The following STMND1 variants were observed in gnomAD, a reference collection of about 807,000 sequenced individuals.
The protein encoded by STMND1 is stathmin domain-containing protein 1.
A neutral mutation model predicts 23.0 loss-of-function variants in STMND1; 17 were observed. The observed-to-expected ratio is 0.74, with a 90% confidence interval of 0.51 to 1.11. The LOEUF is 1.11. Ranked by LOEUF, STMND1 falls within the 50% of genes least tolerant of loss-of-function variation. The pLI is 0.00. For missense variants in STMND1, 305 were observed against 329.1 expected (o/e 0.93, Z 0.57); for synonymous variants, 114 against 119.9 (o/e 0.95, Z 0.32).
intron 1 of STMND1, among the ~76,000 whole-genome samples, chr6:17,108,828 C>G (rs1166993256): frequency 6.6e-6 from 1 of 151,714 alleles, no homozygotes; most frequent in Non-Finnish European, 1.5e-5. Flanking sequence ...TCCTGAGTAG[C>G]TGGGATTACA....
chr6:17,129,737 G>A (rs532225292), intron 4 of STMND1, among the ~76,000 whole-genome samples: 32 of 151,934 alleles, frequency 2.1e-4, no homozygotes, highest in African/African-American at 6.0e-4. Context: ...CCAGCTACTC[G>A]GGAGGCTGAG....
At position 17,113,102 on chromosome 6, in the gene STMND1, C is replaced by T. The variant is rs549436085; in HGVS notation, c.82-1860C>T. 3.3e-5 allele frequency among the ~76,000 whole-genome samples: 5 copies of T among 152,268 alleles called. No homozygotes were observed. The East Asian group carries it at 9.6e-4, about 29-fold the overall frequency. ...GGTTATGTGAGCAAACACATCTGGG[C>T]AATGATATACTAAAATGTTAGTAGT... On this transcript the variant is annotated intron_variant, in intron 1 of 4. Coordinates refer to ENST00000536551, the MANE Select transcript of STMND1 (RefSeq NM_001190766.2).
chr6:17,125,153 CAAAAA>C (rs5874593), intron 3 of STMND1, among the ~76,000 whole-genome samples: 19 of 129,250 alleles, frequency 1.5e-4, no homozygotes, highest in Non-Finnish European at 2.4e-4. Flanking sequence ...GCCATTTCTA[CAAAAA>C]AAAAAAAAAA....
At chr6:17,108,895 C>A (rs939036231) in intron 1 of STMND1, among the ~76,000 whole-genome samples, 3 of 152,074 alleles carry the variant, frequency 2.0e-5, no homozygotes, top group Non-Finnish European at 4.4e-5. Flanking sequence ...TGGGGTTTTG[C>A]CATGTTGGCC....
At chr6:17,116,237 G>A (rs1439400004) in intron 2 of STMND1, among the ~76,000 whole-genome samples, 2 of 152,154 alleles carry the variant, frequency 1.3e-5, no homozygotes, top group Non-Finnish European at 2.9e-5. Flanking sequence ...AGGGTGTTGA[G>A]AGAGAACAGC....
At chr6:17,102,860 G>C (rs550641847) in intron 1 of STMND1, among the ~76,000 whole-genome samples, 1 of 152,330 alleles carries the variant, frequency 6.6e-6, no homozygotes, top group South Asian at 2.1e-4. Flanking sequence ...ATGAGGCCCA[G>C]AGAGATAGGC....
chr6:17,121,577 T>A (rs1761233749), intron 3 of STMND1, among the ~76,000 whole-genome samples: 1 of 152,196 alleles, frequency 6.6e-6, no homozygotes, highest in Non-Finnish European at 1.5e-5. Flanking sequence ...AACATCATAC[T>A]GTGCCCTATA....
chr6:17,121,239 T>C (rs1761229973), intron 3 of STMND1, among the ~76,000 whole-genome samples: 2 of 152,200 alleles, frequency 1.3e-5, no homozygotes, highest in South Asian at 4.1e-4. Flanking sequence ...TTACCCAGTC[T>C]CAGGTATTTC....
intron 1 of STMND1, among the ~76,000 whole-genome samples, chr6:17,112,219 T>C (rs1233759227): frequency 6.6e-6 from 1 of 152,216 alleles, no homozygotes; most frequent in African/African-American, 2.4e-5. Context: ...TCAATATGAA[T>C]GGCCTTTGTG....
chr6:17,113,217 A>G (rs1379978607), intron 1 of STMND1, among the ~76,000 whole-genome samples: 2 of 152,228 alleles, frequency 1.3e-5, no homozygotes, highest in Non-Finnish European at 2.9e-5. Context: ...AGTAGGATAG[A>G]CAGATGGATA....
chr6:17,126,070 ATTTTTTTTT>A (rs1189845838), intron 3 of STMND1, among the ~76,000 whole-genome samples: 53 of 20,502 alleles, frequency 2.6e-3, no homozygotes, highest in East Asian at 0.011. Context: ...ATATATATAT[ATTTTTTTTT>A]TTTTTTTTTT....
At chr6:17,124,573 A>G (rs1327486972) in intron 3 of STMND1, among the ~76,000 whole-genome samples, 1 of 152,254 alleles carries the variant, frequency 6.6e-6, no homozygotes, top group Non-Finnish European at 1.5e-5. Context: ...TGTGTCCACC[A>G]CAGAGGCCCC....
intron 3 of STMND1, among the ~76,000 whole-genome samples, chr6:17,124,989 AC>A (rs1246208412): frequency 6.7e-6 from 1 of 149,966 alleles, no homozygotes; most frequent in Non-Finnish European, 1.5e-5. Context: ...AAACAGCGAG[AC>A]CCTGTCAAAC....
chr6:17,130,676 A>G lies in STMND1; in HGVS notation c.626A>G (p.Asp209Gly), dbSNP rs1408294171. The G allele has an allele frequency of 6.5e-7, 1 of 1,536,012 alleles. No homozygotes were observed. Among genetic ancestry groups the G allele is most frequent in the African/African-American group, 1.4e-5 (1 of 73,138 alleles). Residue 209 changes from aspartate (D) to glycine (G), a missense_variant, in exon 5 of 5, where the codon GAT becomes GGT. Physicochemically the swap from Asp to Gly is moderately conservative, Grantham distance 94. Coordinates refer to ENST00000536551, the MANE Select transcript of STMND1 (RefSeq NM_001190766.2). ...SANHSDSAEL[D>G]GAEVAFAKGL... ...AATCACTCAGATTCAGCTGAATTAGATGGGGCCGAGGTTGCATTTGCCAAA... is the reference window on the plus strand; with the variant it reads ...AATCACTCAGATTCAGCTGAATTAGGTGGGGCCGAGGTTGCATTTGCCAAA...
chr6:17,103,278 G>A (rs1242154710), intron 1 of STMND1, among the ~76,000 whole-genome samples: 1 of 152,184 alleles, frequency 6.6e-6, no homozygotes, highest in Non-Finnish European at 1.5e-5. Flanking sequence ...CCACCTTTCC[G>A]AAGGGTCATT....
chr6:17,111,940 A>G (rs915585824), intron 1 of STMND1, among the ~76,000 whole-genome samples: 3 of 152,186 alleles, frequency 2.0e-5, no homozygotes, highest in Non-Finnish European at 2.9e-5. Context: ...CCTTAATCCC[A>G]TTAATGAGGG....
At chr6:17,123,880 T>C (rs1761262441) in intron 3 of STMND1, among the ~76,000 whole-genome samples, 1 of 152,098 alleles carries the variant, frequency 6.6e-6, no homozygotes, top group Non-Finnish European at 1.5e-5. Context: ...AGAACATATG[T>C]GTGTCAGACA....
chr6:17,126,288 G>C (rs1410268064), intron 3 of STMND1, among the ~76,000 whole-genome samples: 1 of 151,374 alleles, frequency 6.6e-6, no homozygotes, highest in Non-Finnish European at 1.5e-5. Context: ...AAAGAATACA[G>C]ATATCTTTCT....
chr6:17,103,439 A>G (rs1760969662), intron 1 of STMND1, among the ~76,000 whole-genome samples: 1 of 152,128 alleles, frequency 6.6e-6, no homozygotes, highest in Non-Finnish European at 1.5e-5. Flanking sequence ...GAATCTAGTG[A>G]AGGCTGACTC....
Sources: gnomAD v4.1 joint callset for allele counts (sites outside exome capture counted in the v4.1 genomes callset) on GRCh38, gnomAD v4.1.1 for gene constraint, MANE v1.5 for transcripts, NCBI Gene and HGNC (gene_info 2026-07-23, HGNC 2026-07-21) for gene names.